The following ANK3 variants were observed in gnomAD, a reference collection of about 807,000 sequenced individuals.
ANK3 encodes the protein ankyrin 3, also known as ankyrin-3.
ANK3 carries 57 observed loss-of-function variants against 370.9 expected under a neutral mutation model. That is an observed-to-expected ratio of 0.15 (90% CI 0.12 to 0.19). The LOEUF (loss-of-function observed/expected upper bound fraction) is 0.19. ANK3 is among the 10% of genes least tolerant of loss of function. ANK3 has a pLI of 1.00. For synonymous variants in ANK3, 1,929 were observed against 1,946.3 expected, an observed-to-expected ratio of 0.99 and a Z score of 0.23; for missense variants, 4,439 against 5,302.1, an observed-to-expected ratio of 0.84 and a Z score of 5.06.
intron 17 of ANK3, among the ~76,000 whole-genome samples, chr10:60,185,854 G>A (rs1324948644): frequency 6.6e-6 from 1 of 152,072 alleles, no homozygotes; most frequent in Non-Finnish European, 1.5e-5. Flanking sequence ...GTTAATTGTC[G>A]GCTGAACTTT....
chr10:60,433,368 T>C (rs1030846818), intron 2 of ANK3, among the ~76,000 whole-genome samples: 1 of 152,162 alleles, frequency 6.6e-6, no homozygotes, highest in Non-Finnish European at 1.5e-5. Context: ...AAACATTTTA[T>C]TCATGTACCC....
intron 21 of ANK3, among the ~76,000 whole-genome samples, chr10:60,171,032 T>G (rs1591205024): frequency 1.3e-5 from 2 of 152,320 alleles, no homozygotes; most frequent in South Asian, 4.1e-4. Context: ...TCTCTTCTCC[T>G]TTCCTATCCT....
intron 28 of ANK3, among the ~76,000 whole-genome samples, chr10:60,090,539 GA>G (rs1403510560): frequency 6.6e-6 from 1 of 152,088 alleles, no homozygotes; most frequent in Non-Finnish European, 1.5e-5. Context: ...ACAAGTAAAA[GA>G]TTAATATGCT....
chr10:60,445,662 C>T (rs2064426386), intron 2 of ANK3, among the ~76,000 whole-genome samples: 2 of 152,074 alleles, frequency 1.3e-5, no homozygotes, highest in African/African-American at 4.8e-5. Context: ...CCCTAAATAA[C>T]TGCAATAACA....
intron 1 of ANK3, among the ~76,000 whole-genome samples, chr10:60,669,469 C>T (rs2079039661): frequency 6.6e-6 from 1 of 152,112 alleles, no homozygotes. Context: ...GGTCCCTAAT[C>T]CCACTTCAAC....
Position 60,437,915 on chromosome 10 carries a change from T to C in ANK3, c.97-158276A>G, listed in dbSNP as rs150652744. ...GTATTTCTATTTAACCACACCATCATGAGTTGGCTCAGAGGTTCTTATACA... is the reference window on the plus strand; with the variant it reads ...GTATTTCTATTTAACCACACCATCACGAGTTGGCTCAGAGGTTCTTATACA... On this transcript the variant is annotated intron_variant, in intron 2 of 43. Transcript: ENST00000373827. Among the ~76,000 whole-genome samples the C allele has an allele frequency of 4.5e-3, 678 of 152,336 alleles. 3 individuals carry two copies. The highest frequency in any genetic ancestry group is 0.016 in the African/African-American group (657 of 41,580).
At chr10:60,598,001 T>C in intron 2 of ANK3, among the ~76,000 whole-genome samples, 2 of 152,332 alleles carry the variant, frequency 1.3e-5, no homozygotes, top group South Asian at 4.1e-4. Context: ...TGCTAAAGAA[T>C]ATTCAATACA....
chr10:60,366,694 A>G (rs2132763131), intron 1 of ANK3, among the ~76,000 whole-genome samples: 1 of 152,282 alleles, frequency 6.6e-6, no homozygotes, highest in South Asian at 2.1e-4. Context: ...GATTCAGAGT[A>G]ACTTGGTAGC....
At chr10:60,258,666 GTGT>G (rs553198234) in intron 7 of ANK3, among the ~76,000 whole-genome samples, 126 of 152,316 alleles carry the variant, frequency 8.3e-4, no homozygotes, top group Admixed American at 1.6e-3. Context: ...GATTCCAGAA[GTGT>G]TGTCATTCTT....
chr10:60,195,356 C>A (rs1225269968), intron 16 of ANK3, among the ~76,000 whole-genome samples: 1 of 148,692 alleles, frequency 6.7e-6, no homozygotes, highest in Non-Finnish European at 1.5e-5. Flanking sequence ...TGCACTCCAG[C>A]CTGGGAGACA....
chr10:60,387,097 T>C (rs529560201), intron 1 of ANK3, among the ~76,000 whole-genome samples: 2 of 151,728 alleles, frequency 1.3e-5, no homozygotes, highest in East Asian at 3.9e-4. Flanking sequence ...GAGGTGGAGG[T>C]TGCAGTGAGC....
intron 40 of ANK3, chr10:60,062,886 G>A (rs956274356): frequency 2.3e-5 from 8 of 351,932 alleles, no homozygotes; most frequent in Non-Finnish European, 4.0e-5. Flanking sequence ...TACCTTAGGC[G>A]TTCATACGTC....
chr10:60,173,744 CT>C (rs1259846738), intron 18 of ANK3, among the ~76,000 whole-genome samples: 1 of 152,128 alleles, frequency 6.6e-6, no homozygotes, highest in East Asian at 1.9e-4. Flanking sequence ...TCAAGTTAGT[CT>C]TTTGCCTTCC....
intron 1 of ANK3, among the ~76,000 whole-genome samples, chr10:60,289,963 G>C (rs1053439836): frequency 6.6e-6 from 1 of 152,150 alleles, no homozygotes; most frequent in African/African-American, 2.4e-5. Flanking sequence ...CACATGAGAG[G>C]GGAGCCAAAG....
At chr10:60,676,577 T>A (rs1302898216) in intron 1 of ANK3, among the ~76,000 whole-genome samples, 2 of 152,164 alleles carry the variant, frequency 1.3e-5, no homozygotes, top group African/African-American at 4.8e-5. Context: ...TACATTTCAA[T>A]CTCAGAGTAA....
chr10:60,644,843 G>A (rs10821815), intron 1 of ANK3, among the ~76,000 whole-genome samples: 76,741 of 118,700 alleles, frequency 0.65, 25,043 homozygotes, highest in South Asian at 0.79. Flanking sequence ...TTAGTTAAAA[G>A]AAAAAAAAAG....
chr10:60,501,705 C>CAAAAAAAAAAAAAAAA (rs376934079), intron 2 of ANK3, among the ~76,000 whole-genome samples: 3 of 79,754 alleles, frequency 3.8e-5, no homozygotes, highest in Non-Finnish European at 5.0e-5. Context: ...GACTCTGTCT[C>CAAAAAAAAAAAAAAAA]AAAAAAAAAA....
At chr10:60,273,408 T>C (rs1438393811) in intron 4 of ANK3, among the ~76,000 whole-genome samples, 2 of 152,162 alleles carry the variant, frequency 1.3e-5, no homozygotes, top group Non-Finnish European at 2.9e-5. Context: ...GCTTTAAGTA[T>C]ATTCATAAAA....
At chr10:60,182,267 C>T (rs192373069) in intron 17 of ANK3, among the ~76,000 whole-genome samples, 2 of 152,148 alleles carry the variant, frequency 1.3e-5, no homozygotes. Context: ...TAGGAAAGAT[C>T]GCCTGTGAAA....
Sources: allele counts gnomAD v4.1 joint callset (sites outside exome capture counted in the v4.1 genomes callset), GRCh38; gene constraint gnomAD v4.1.1; transcripts MANE v1.5; gene names NCBI Gene and HGNC (gene_info 2026-07-23, HGNC 2026-07-21).